Variants in KCNIP4 observed in about 807,000 individuals in gnomAD.
KCNIP4 encodes Kv channel-interacting protein 4.
A neutral mutation model predicts 34.0 loss-of-function variants in KCNIP4; 12 were observed. That is an observed-to-expected ratio of 0.35 (90% confidence interval 0.23 to 0.57). The LOEUF is 0.57. Among genes scored for constraint, KCNIP4 ranks in the 20% least tolerant of loss-of-function variants. KCNIP4 has a pLI of 0.83. For missense variants in KCNIP4, 238 were observed against 311.7 expected, an observed-to-expected ratio of 0.76 and a Z score of 1.78; for synonymous variants, 124 against 102.2, an observed-to-expected ratio of 1.21 and a Z score of -1.29.
intron 1 of KCNIP4, among the ~76,000 whole-genome samples, chr4:21,632,477 G>A (rs1423136185): frequency 6.6e-6 from 1 of 152,124 alleles, no homozygotes; most frequent in Non-Finnish European, 1.5e-5. Flanking sequence ...CACCCGGCTT[G>A]GCCTCACAAA....
chr4:20,944,929 G>T (rs1490525227), intron 1 of KCNIP4, among the ~76,000 whole-genome samples: 1 of 152,144 alleles, frequency 6.6e-6, no homozygotes, highest in Non-Finnish European at 1.5e-5. Flanking sequence ...AGTTCAATCA[G>T]ACTTAATAAC....
chr4:20,957,074 A>G (rs1438888439), intron 1 of KCNIP4, among the ~76,000 whole-genome samples: 1 of 152,234 alleles, frequency 6.6e-6, no homozygotes, highest in Non-Finnish European at 1.5e-5. Flanking sequence ...GTGGAAGAAA[A>G]GAAAGTAAAA....
chr4:21,005,098 C>A (rs572188481), intron 1 of KCNIP4, among the ~76,000 whole-genome samples: 1 of 152,058 alleles, frequency 6.6e-6, no homozygotes, highest in African/African-American at 2.4e-5. Context: ...TGTACTATTA[C>A]GGGAGTTAAT....
At chr4:20,864,913 C>A (rs1048772851) in intron 2 of KCNIP4, among the ~76,000 whole-genome samples, 1 of 151,988 alleles carries the variant, frequency 6.6e-6, no homozygotes, top group African/African-American at 2.4e-5. Flanking sequence ...TGTCTTCATC[C>A]TTACTGTACC....
chr4:21,720,279 A>AT (rs550560098), intron 1 of KCNIP4, among the ~76,000 whole-genome samples: 1 of 151,868 alleles, frequency 6.6e-6, no homozygotes, highest in African/African-American at 2.4e-5. Context: ...TATTTCTCCA[A>AT]TTTTTTTCAT....
At chr4:20,771,375 C>T (rs1755863092) in intron 3 of KCNIP4, among the ~76,000 whole-genome samples, 1 of 152,124 alleles carries the variant, frequency 6.6e-6, no homozygotes, top group African/African-American at 2.4e-5. Context: ...ACACATTTTC[C>T]TCATGTGTAA....
chr4:21,237,138 C>T (rs1323722204), intron 1 of KCNIP4, among the ~76,000 whole-genome samples: 1 of 151,844 alleles, frequency 6.6e-6, no homozygotes, highest in Admixed American at 6.6e-5. Flanking sequence ...AGATATATAA[C>T]AAACGGTTAA....
At chr4:20,832,846 C>T (rs1188788324) in intron 3 of KCNIP4, among the ~76,000 whole-genome samples, 1 of 147,110 alleles carries the variant, frequency 6.8e-6, no homozygotes, top group Non-Finnish European at 1.5e-5. Context: ...TTAAGGAAGA[C>T]AACAAGTTAG....
Position 21,290,729 on chromosome 4 carries a change from C to T in KCNIP4, c.62-408020G>A, listed in dbSNP as rs145909335. 2.2e-4 allele frequency among the ~76,000 whole-genome samples: 33 copies of T among 152,212 alleles called. No homozygotes were observed. In the East Asian group the frequency reaches 5.6e-3, roughly 26 times the overall value. Reference sequence around the variant, plus strand: ...TGATTAGGTGAGAGAGGAAACCAAGCTTAGAAGGGGCAGAAGTCTGGGACC... The same window carrying T: ...TGATTAGGTGAGAGAGGAAACCAAGTTTAGAAGGGGCAGAAGTCTGGGACC... On this transcript the variant is annotated intron_variant, in intron 1 of 8. Transcript: ENST00000382152.
chr4:20,925,378 T>C (rs1729799823), intron 1 of KCNIP4, among the ~76,000 whole-genome samples: 1 of 152,052 alleles, frequency 6.6e-6, no homozygotes, highest in Admixed American at 6.6e-5. Context: ...AACTTGCTCA[T>C]CAAACAGGTT....
intron 1 of KCNIP4, among the ~76,000 whole-genome samples, chr4:21,723,975 G>T (rs116533942): frequency 0.016 from 2,380 of 152,162 alleles, 28 homozygotes; most frequent in South Asian, 0.036. Flanking sequence ...TATAGCAGAG[G>T]GGGAGGAGCA....
intron 1 of KCNIP4, among the ~76,000 whole-genome samples, chr4:20,987,956 G>A (rs952428965): frequency 2.3e-5 from 3 of 127,766 alleles, no homozygotes; most frequent in East Asian, 2.3e-4. Flanking sequence ...AGCCGAGATC[G>A]CACCACTGCA....
At chr4:21,181,160 G>A (rs1754809046) in intron 1 of KCNIP4, among the ~76,000 whole-genome samples, 1 of 152,056 alleles carries the variant, frequency 6.6e-6, no homozygotes, top group Non-Finnish European at 1.5e-5. Flanking sequence ...TCCTCCTGAG[G>A]GAAATAGCAT....
At chr4:21,126,491 A>T (rs546878860) in intron 1 of KCNIP4, among the ~76,000 whole-genome samples, 1 of 152,250 alleles carries the variant, frequency 6.6e-6, no homozygotes, top group South Asian at 2.1e-4. Context: ...GCCCAACTCA[A>T]ACAGAACTCA....
chr4:21,820,379 T>C (rs1722285610), intron 1 of KCNIP4, among the ~76,000 whole-genome samples: 1 of 149,948 alleles, frequency 6.7e-6, no homozygotes, highest in African/African-American at 2.5e-5. Flanking sequence ...ATAAACTTGA[T>C]TTCCTATATA....
At chr4:20,853,117 A>G (rs1379857933) in intron 2 of KCNIP4, among the ~76,000 whole-genome samples, 1 of 152,234 alleles carries the variant, frequency 6.6e-6, no homozygotes, top group Non-Finnish European at 1.5e-5. Flanking sequence ...TTCTTCACAG[A>G]ATTAGAGAAA....
chr4:21,411,844 AT>A (rs771981841), intron 1 of KCNIP4, among the ~76,000 whole-genome samples: 21 of 152,302 alleles, frequency 1.4e-4, no homozygotes, highest in Non-Finnish European at 2.2e-4. Context: ...TCTCAAAAAA[AT>A]AAAAGAAGTC....
intron 1 of KCNIP4, among the ~76,000 whole-genome samples, chr4:20,891,342 C>T (rs1225415598): frequency 1.3e-5 from 2 of 152,152 alleles, no homozygotes; most frequent in African/African-American, 2.4e-5. Flanking sequence ...CAAGGTGGCT[C>T]ATGCCTGTAA....
intron 1 of KCNIP4, among the ~76,000 whole-genome samples, chr4:20,982,379 C>T (rs534206377): frequency 6.6e-6 from 1 of 152,090 alleles, no homozygotes; most frequent in Non-Finnish European, 1.5e-5. Flanking sequence ...TATTAAGACA[C>T]CAGCATTTAG....
Sources: allele counts gnomAD v4.1 joint callset (sites outside exome capture counted in the v4.1 genomes callset), GRCh38; gene constraint gnomAD v4.1.1; transcripts MANE v1.5; gene names NCBI Gene and HGNC (gene_info 2026-07-23, HGNC 2026-07-21).